Variants in CSMD1 observed in about 807,000 individuals in gnomAD.
CSMD1 encodes the protein CUB and Sushi multiple domains 1, also known as CUB and sushi domain-containing protein 1.
CSMD1 carries 213 observed loss-of-function variants against 417.5 expected under a neutral mutation model. That is an observed-to-expected ratio of 0.51 (90% CI 0.46 to 0.57). The LOEUF is 0.57. Ranked by LOEUF, CSMD1 falls within the 20% of genes least tolerant of loss-of-function variation. The pLI is 0.00. For synonymous variants in CSMD1, 2,862 were observed against 1,736.8 expected, an observed-to-expected ratio of 1.65 and a Z score of -16.11; for missense variants, 6,923 against 4,529.7, an observed-to-expected ratio of 1.53 and a Z score of -15.17.
At chr8:3,195,931 C>A (rs1422600450) in intron 33 of CSMD1, among the ~76,000 whole-genome samples, 2 of 152,214 alleles carry the variant, frequency 1.3e-5, no homozygotes, top group East Asian at 3.9e-4. Flanking sequence ...GTGACTCCAT[C>A]TTCAATAGGG....
At chr8:3,534,083 T>C (rs1585318589) in intron 10 of CSMD1, among the ~76,000 whole-genome samples, 3 of 152,296 alleles carry the variant, frequency 2.0e-5, no homozygotes, top group Admixed American at 1.3e-4. Flanking sequence ...GAAATGATTG[T>C]TTTAGTATCT....
intron 3 of CSMD1, among the ~76,000 whole-genome samples, chr8:4,367,659 T>C (rs190664970): frequency 2.2e-4 from 34 of 152,310 alleles, no homozygotes; most frequent in Admixed American, 1.8e-3. Flanking sequence ...GGTGGTATGA[T>C]GATTTTCACA....
chr8:3,866,193 A>T (rs948745364), intron 5 of CSMD1, among the ~76,000 whole-genome samples: 6 of 152,332 alleles, frequency 3.9e-5, no homozygotes, highest in African/African-American at 1.4e-4. Context: ...TCTAAGCCTA[A>T]ATGAGTAAAG....
intron 5 of CSMD1, among the ~76,000 whole-genome samples, chr8:3,936,307 T>G (rs1470793691): frequency 6.6e-6 from 1 of 152,096 alleles, no homozygotes; most frequent in Non-Finnish European, 1.5e-5. Flanking sequence ...GTGGCTACAC[T>G]AAAAGGCAGA....
At chr8:3,927,201 G>C (rs898202435) in intron 5 of CSMD1, among the ~76,000 whole-genome samples, 1 of 151,764 alleles carries the variant, frequency 6.6e-6, no homozygotes, top group Non-Finnish European at 1.5e-5. Context: ...ATATCTAACA[G>C]CTTCTAATAA....
intron 1 of CSMD1, among the ~76,000 whole-genome samples, chr8:4,764,530 TG>T: frequency 6.6e-6 from 1 of 152,250 alleles, no homozygotes; most frequent in East Asian, 1.9e-4. Flanking sequence ...TCAAATTAAG[TG>T]TTCTGCCCAA....
At chr8:4,975,838 A>T (rs1810528603) in intron 1 of CSMD1, among the ~76,000 whole-genome samples, 2 of 152,276 alleles carry the variant, frequency 1.3e-5, no homozygotes, top group African/African-American at 4.8e-5. Flanking sequence ...AAAAAAACCC[A>T]GCAGATACTA....
intron 2 of CSMD1, among the ~76,000 whole-genome samples, chr8:4,545,401 C>T (rs370333113): frequency 1.2e-4 from 19 of 152,166 alleles, no homozygotes; most frequent in South Asian, 6.2e-4. Flanking sequence ...GAACACTCAA[C>T]GTCTGCCTTG....
chr8:4,057,788 G>A (rs1219648686), intron 3 of CSMD1, among the ~76,000 whole-genome samples: 1 of 152,044 alleles, frequency 6.6e-6, no homozygotes, highest in Admixed American at 6.6e-5. Context: ...TAATAAATAG[G>A]GACTCCTTTC....
chr8:4,857,723 G>A (rs1801886594), intron 1 of CSMD1, among the ~76,000 whole-genome samples: 1 of 151,908 alleles, frequency 6.6e-6, no homozygotes, highest in South Asian at 2.1e-4. Flanking sequence ...GGAAGAAGTT[G>A]AATCTCTGAA....
At chr8:3,318,747 C>G (rs1400906770) in intron 23 of CSMD1, among the ~76,000 whole-genome samples, 1 of 152,042 alleles carries the variant, frequency 6.6e-6, no homozygotes, top group African/African-American at 2.4e-5. Flanking sequence ...GTCACGGTTC[C>G]TTCTGCAGGG....
chr8:4,300,852 A>G (rs981948997), intron 3 of CSMD1, among the ~76,000 whole-genome samples: 2 of 152,204 alleles, frequency 1.3e-5, no homozygotes, highest in Non-Finnish European at 2.9e-5. Flanking sequence ...TGTCCCTACA[A>G]AGGACATGAA....
chr8:3,090,067 C>G (rs936603551), intron 48 of CSMD1, among the ~76,000 whole-genome samples: 2 of 151,810 alleles, frequency 1.3e-5, no homozygotes, highest in African/African-American at 4.8e-5. Context: ...GTAATCCCAG[C>G]ACTTTGGGAG....
At chr8:4,401,888 T>G (rs1804668988) in intron 3 of CSMD1, among the ~76,000 whole-genome samples, 1 of 152,112 alleles carries the variant, frequency 6.6e-6, no homozygotes. Flanking sequence ...TCTTCTGTCT[T>G]CAGGTTACTC....
intron 5 of CSMD1, among the ~76,000 whole-genome samples, chr8:3,981,522 A>AAAAAAAAAAAT (rs1813867708): frequency 7.7e-6 from 1 of 130,434 alleles, no homozygotes. Context: ...AAAAAAAAAA[A>AAAAAAAAAAAT]AAAGAACATA....
At chr8:4,739,971 G>A (rs567613553) in intron 1 of CSMD1, among the ~76,000 whole-genome samples, 3 of 152,226 alleles carry the variant, frequency 2.0e-5, no homozygotes, top group African/African-American at 7.2e-5. Flanking sequence ...GGAAATAGCT[G>A]ACTGGCCAGC....
chr8:2,990,773 C>A (rs928264440), intron 54 of CSMD1, among the ~76,000 whole-genome samples: 6 of 152,126 alleles, frequency 3.9e-5, no homozygotes, highest in African/African-American at 1.4e-4. Flanking sequence ...CGATGATAAT[C>A]CCCATGTATT....
intron 7 of CSMD1, among the ~76,000 whole-genome samples, chr8:3,644,719 G>A (rs1029205858): frequency 6.6e-6 from 1 of 151,964 alleles, no homozygotes; most frequent in Admixed American, 6.6e-5. Context: ...TTTATTTGTG[G>A]GGCCTGTCAG....
intron 2 of CSMD1, among the ~76,000 whole-genome samples, chr8:4,545,614 A>G (rs1458490176): frequency 6.6e-6 from 1 of 152,202 alleles, no homozygotes; most frequent in Non-Finnish European, 1.5e-5. Flanking sequence ...GCTAGAGAAA[A>G]AGTGGTTGGC....
Sources: gnomAD v4.1 joint callset for allele counts (sites outside exome capture counted in the v4.1 genomes callset) on GRCh38, gnomAD v4.1.1 for gene constraint, MANE v1.5 for transcripts, NCBI Gene and HGNC (gene_info 2026-07-23, HGNC 2026-07-21) for gene names.